DNAH9: variants seen among roughly 807,000 people sequenced by gnomAD.
DNAH9 encodes dynein axonemal heavy chain 9.
In DNAH9, 345 loss-of-function variants were observed where a neutral mutation model predicts 471.6. The ratio of observed to expected loss-of-function variants is 0.73; its 90% confidence interval spans 0.67 to 0.80. The LOEUF (loss-of-function observed/expected upper bound fraction) is 0.80, where lower values mean the gene tolerates loss of function less well. Ranked by LOEUF, DNAH9 falls within the 30% of genes least tolerant of loss-of-function variation. The probability of loss-of-function intolerance (pLI) is 0.00; values close to 1 mark genes in which losing one functional copy is unlikely to be tolerated. For synonymous variants in DNAH9, 2,093 were observed against 2,123.6 expected (o/e 0.99, Z 0.40); for missense variants, 5,407 against 5,609.2 (o/e 0.96, Z 1.15).
intron 36 of DNAH9, among the ~76,000 whole-genome samples, chr17:11,764,422 C>T (rs1967845671): frequency 6.6e-6 from 1 of 152,154 alleles, no homozygotes; most frequent in Non-Finnish European, 1.5e-5. Context: ...GTATACAATA[C>T]AGTATTGTTA....
At chr17:11,913,155 G>A (rs1038912009) in intron 61 of DNAH9, among the ~76,000 whole-genome samples, 8 of 152,098 alleles carry the variant, frequency 5.3e-5, no homozygotes, top group East Asian at 1.9e-4. Flanking sequence ...GTGACAAAGC[G>A]AGACTCTGTC....
chr17:11,640,047 G>A (rs532216666), intron 9 of DNAH9, among the ~76,000 whole-genome samples: 34 of 152,308 alleles, frequency 2.2e-4, no homozygotes, highest in African/African-American at 7.9e-4. Context: ...AATCAGAATA[G>A]CTTGGGCATG....
chr17:11,816,080 A>G (rs1970085702), intron 45 of DNAH9, among the ~76,000 whole-genome samples: 1 of 151,970 alleles, frequency 6.6e-6, no homozygotes, highest in African/African-American at 2.4e-5. Flanking sequence ...CTCTCTAGAA[A>G]ATCTAGAGAC....
chr17:11,845,454 C>T (rs1490065560), intron 49 of DNAH9, among the ~76,000 whole-genome samples: 15 of 150,828 alleles, frequency 9.9e-5, no homozygotes, highest in Non-Finnish European at 1.8e-4. Context: ...TGAATAATGC[C>T]GCAATAAACA....
intron 45 of DNAH9, among the ~76,000 whole-genome samples, chr17:11,816,539 G>A (rs1346361223): frequency 4.6e-5 from 7 of 152,180 alleles, no homozygotes; most frequent in African/African-American, 1.2e-4. Context: ...ACTCACTTGC[G>A]TTTTCTCCTT....
At chr17:11,829,321 C>T (rs908862939) in intron 48 of DNAH9, among the ~76,000 whole-genome samples, 1 of 151,996 alleles carries the variant, frequency 6.6e-6, no homozygotes, top group Non-Finnish European at 1.5e-5. Context: ...CGGGAGGAGG[C>T]TAAATGAACA....
intron 5 of DNAH9, among the ~76,000 whole-genome samples, chr17:11,619,135 C>T (rs2072804021): frequency 1.3e-5 from 2 of 152,242 alleles, no homozygotes; most frequent in African/African-American, 2.4e-5. Context: ...GCTGTCGCTA[C>T]AGCTCCAGCT....
chr17:11,680,839 T>G lies in DNAH9; in HGVS notation c.3693T>G (p.Asp1231Glu). ...TLLRQRCTAF[D>E]AEQQQFWEQF... ...TCCGCCAGAGGTGCACAGCCTTCGA[T>G]GCAGAACAGCAGCAATTCTGGGAGC... Residue 1231 changes from aspartate to glutamate, a missense_variant, in exon 19 of 69, where the codon GAT (aspartate) becomes GAG (glutamate). Around this residue, in one of 3 missense-constraint regions of DNAH9, gnomAD observed 4,636 missense variants for 4,900.3 expected, o/e 0.95. Transcript: ENST00000262442. 1 of 1,613,704 alleles carries G rather than the reference T, an allele frequency of 6.2e-7. No homozygotes were observed. Among genetic ancestry groups the G allele is most frequent in the Non-Finnish European group, 8.5e-7 (1 of 1,179,842 alleles).
At position 11,748,693 on chromosome 17, in the gene DNAH9, C is replaced by G. The variant is rs12943947; in HGVS notation, c.6610+927C>G. 7.9e-5 allele frequency among the ~76,000 whole-genome samples: 12 copies of G among 152,254 alleles called. No homozygotes were observed. The East Asian group carries it at 2.3e-3, about 29-fold the overall frequency. ...TGATCTCAGCCTTACCTTCAAAGAA[C>G]TAAACTTCACCAATAGACATTGTAA... On this transcript the variant is annotated intron_variant, in intron 32 of 68. Transcript: ENST00000262442.
At position 11,669,399 on chromosome 17, in the gene DNAH9, A is replaced by G; in HGVS notation, c.2958A>G (p.Ala986=). The change falls in exon 17 of 69, where the codon GCA becomes GCG. Residue 986 remains alanine (A), a synonymous_variant. Transcript: ENST00000262442. ...ACCTGGACGGTATACCAGATTTGGC[A>G]AACATGCGGCGCACACTCATGGAGA... is the stretch of plus-strand genomic sequence containing the variant. ...QVDLDGIPDL[A]NMRRTLMERV... 6.2e-7 allele frequency: 1 copy of G among 1,613,476 alleles called. No homozygotes were observed. Among genetic ancestry groups the G allele is most frequent in the East Asian group, 2.2e-5 (1 of 44,856 alleles).
At position 11,845,664 on chromosome 17, in the gene DNAH9, CTTG is replaced by C. The variant is rs551304497; in HGVS notation, c.9508-8333_9508-8331del. 8.3e-3 allele frequency among the ~76,000 whole-genome samples: 1,159 copies of C among 140,312 alleles called. 20 individuals carry two copies. Among genetic ancestry groups the C allele is most frequent in the African/African-American group, 0.03 (1,097 of 36,410 alleles). The allele number at this position is 140,312 out of a possible 152,430, so 92.1% of individuals were successfully genotyped here. A position where few individuals can be genotyped will look rare whatever the true frequency, so the allele number is the denominator to read the frequency against. Reference sequence around the variant, plus strand: ...CTATTTCTCCACATCCTCTCCAGCACTTGTTGTTTCCTGACTTTTTAATGATCG... The same window carrying C: ...CTATTTCTCCACATCCTCTCCAGCACTTGTTTCCTGACTTTTTAATGATCG... On this transcript the variant is annotated intron_variant, in intron 49 of 68. Coordinates refer to ENST00000262442, the MANE Select transcript of DNAH9 (RefSeq NM_001372.4).
intron 48 of DNAH9, among the ~76,000 whole-genome samples, chr17:11,826,455 G>GTTT (rs36037678): frequency 1.4e-3 from 113 of 78,956 alleles, no homozygotes; most frequent in East Asian, 6.6e-3. Context: ...CTTTTTCTTG[G>GTTT]TTTTTTTTTT....
At chr17:11,825,714 A>C (rs940346489) in intron 48 of DNAH9, among the ~76,000 whole-genome samples, 1 of 152,248 alleles carries the variant, frequency 6.6e-6, no homozygotes, top group Non-Finnish European at 1.5e-5. Context: ...GCAAGACCAA[A>C]GTGATAGTAT....
chr17:11,816,939 A>G (rs59673868), intron 45 of DNAH9, among the ~76,000 whole-genome samples: 7,525 of 152,082 alleles, frequency 0.049, 620 homozygotes, highest in African/African-American at 0.17. Context: ...GGCACCTGTA[A>G]TCCCAGCTAC....
chr17:11,669,580 G>A lies in DNAH9; in HGVS notation c.3139G>A (p.Gly1047Ser). 6.2e-7 allele frequency: 1 copy of A among 1,614,142 alleles called. No individual in the cohort carries two copies. The highest frequency in any genetic ancestry group is 8.5e-7 in the Non-Finnish European group (1 of 1,180,002). ...AGAAATTGAAGACCATGTGGAAGAT[G>A]GCATCCCAGAGAACCCTCCCCTCCT... is the stretch of plus-strand genomic sequence containing the variant. ...PEEIEDHVEDGIPENPPLLSQ... is the reference protein window; with the variant it reads ...PEEIEDHVEDSIPENPPLLSQ... Residue 1047 changes from glycine (G) to serine (S), a missense_variant, in exon 17 of 69, where the codon GGC (glycine) becomes AGC (serine). By Grantham distance (56) the Gly-to-Ser change is moderately conservative. Transcript: ENST00000262442.
intron 61 of DNAH9, among the ~76,000 whole-genome samples, chr17:11,913,303 T>C (rs1289845964): frequency 3.9e-5 from 6 of 152,206 alleles, no homozygotes; most frequent in Non-Finnish European, 8.8e-5. Flanking sequence ...TTATCTTTAC[T>C]AGTTATATAT....
chr17:11,647,681 A>G (rs1158912880), intron 12 of DNAH9, among the ~76,000 whole-genome samples: 1 of 152,178 alleles, frequency 6.6e-6, no homozygotes, highest in Non-Finnish European at 1.5e-5. Flanking sequence ...AAGTGCATAT[A>G]AGACTTGGCT....
At chr17:11,655,776 C>G (rs981582131) in intron 14 of DNAH9, among the ~76,000 whole-genome samples, 1 of 151,926 alleles carries the variant, frequency 6.6e-6, no homozygotes, top group South Asian at 2.1e-4. Context: ...GAAAACCAAA[C>G]ATTGTATGTT....
At chr17:11,788,997 A>C (rs929104621) in intron 41 of DNAH9, among the ~76,000 whole-genome samples, 5 of 151,982 alleles carry the variant, frequency 3.3e-5, no homozygotes, top group African/African-American at 1.2e-4. Flanking sequence ...TAATTATATA[A>C]AGTTTTTCTC....
Sources: allele counts gnomAD v4.1 joint callset (sites outside exome capture counted in the v4.1 genomes callset), GRCh38; gene constraint gnomAD v4.1.1; regional missense constraint gnomAD v4.1.1; transcripts MANE v1.5; gene names NCBI Gene and HGNC (gene_info 2026-07-23, HGNC 2026-07-21).